MICAL3: variants seen among roughly 807,000 people sequenced by gnomAD.
The protein encoded by MICAL3 is microtubule associated monooxygenase, calponin and LIM domain containing 3, also known as [F-actin]-monooxygenase MICAL3.
Under a neutral mutation model 207.4 loss-of-function variants are expected in MICAL3, and 62 were observed. The observed-to-expected ratio is 0.30, with a 90% CI of 0.24 to 0.37. The LOEUF (loss-of-function observed/expected upper bound fraction) is 0.37, where lower values mean the gene tolerates loss of function less well. MICAL3 is among the 10% of genes least tolerant of loss of function. The pLI, the probability that MICAL3 is intolerant of heterozygous loss-of-function variation, is 1.00. For synonymous variants in MICAL3, 1,077 were observed against 1,069.3 expected, an observed-to-expected ratio of 1.01 and a Z score of -0.14; for missense variants, 2,368 against 2,635.6, an observed-to-expected ratio of 0.90 and a Z score of 2.22.
intron 5 of MICAL3, among the ~76,000 whole-genome samples, chr22:17,901,634 C>A (rs1015675581): frequency 1.3e-5 from 2 of 152,116 alleles, no homozygotes; most frequent in African/African-American, 4.8e-5. Context: ...CATGATACTG[C>A]ACTCCAGCCT....
intron 1 of MICAL3, among the ~76,000 whole-genome samples, chr22:17,994,616 G>A (rs550000236): frequency 6.6e-6 from 1 of 152,188 alleles, no homozygotes; most frequent in Non-Finnish European, 1.5e-5. Flanking sequence ...AGGAGGCTGA[G>A]GTTGGGGGAT....
chr22:17,939,151 C>G (rs1933693994), intron 1 of MICAL3, among the ~76,000 whole-genome samples: 1 of 152,156 alleles, frequency 6.6e-6, no homozygotes, highest in Non-Finnish European at 1.5e-5. Context: ...ACATTCAGCT[C>G]CCTTGCCATG....
Position 17,841,725 on chromosome 22 carries a change from AG to A in MICAL3, c.2801+96del. On this transcript the variant is annotated intron_variant, in intron 20 of 31. Transcript: ENST00000441493. This position sits in a 1 kb window ranked among gnomAD's most constrained non-coding sequence, Gnocchi z 4.2. ...GACTGCGGGCAGCAGGAAAGACAGG[AG>A]GCCTCCCTTCACTGAGAAGAAACCG... 7.9e-7 allele frequency: 1 copy of A among 1,263,864 alleles called. No homozygotes were observed. Among genetic ancestry groups the A allele is most frequent in the Non-Finnish European group, 1.1e-6 (1 of 904,872 alleles). The allele number at this position is 1,263,864 out of a possible 1,614,324, so 78.3% of individuals were successfully genotyped here.
rs538538684 is a variant in MICAL3 at position 17,788,967 on chromosome 22, G to A, written c.*1765C>T. On this transcript the variant is annotated 3_prime_UTR_variant, in exon 32 of 32. Transcript: ENST00000441493. ...GCGGCTGGAGCGCCCCTGGCAGGCG[G>A]GTCTGGTCCGGATGGCTCCTCGCTG... 6.5e-6 allele frequency: 1 copy of A among 152,700 alleles called. No individual in the cohort carries two copies. The highest frequency in any genetic ancestry group is 3.4e-3 in the Middle Eastern group (1 of 298). The allele number at this position is 152,700 out of a possible 1,614,324, so 9.5% of individuals were successfully genotyped here.
At chr22:17,983,086 T>G (rs1462538094) in intron 1 of MICAL3, 1 of 152,208 alleles carries the variant, frequency 6.6e-6, no homozygotes, top group Non-Finnish European at 1.5e-5. Flanking sequence ...TGTCTACTGT[T>G]TTTTCTTTTT....
chr22:17,803,854 C>T (rs988514538), intron 29 of MICAL3: 13 of 985,558 alleles, frequency 1.3e-5, no homozygotes, highest in Non-Finnish European at 1.6e-5. Context: ...AAGACTCTCC[C>T]CAATAGTCTA....
At chr22:17,996,196 T>G (rs999838579) in intron 1 of MICAL3, among the ~76,000 whole-genome samples, 1 of 150,376 alleles carries the variant, frequency 6.6e-6, no homozygotes, top group Admixed American at 6.6e-5. Context: ...TCCCAACACT[T>G]TGGGAGGCCG....
intron 25 of MICAL3, 67 bp downstream of exon 25, chr22:17,821,360 G>T (rs1278608712): frequency 2.2e-5 from 31 of 1,384,908 alleles, no homozygotes; most frequent in Non-Finnish European, 3.0e-5. Context: ...CTGAAACAGA[G>T]AAGTTAATAT....
intron 1 of MICAL3, among the ~76,000 whole-genome samples, chr22:17,963,210 T>G (rs745952440): frequency 4.7e-4 from 71 of 152,104 alleles, no homozygotes; most frequent in Non-Finnish European, 5.6e-4. Context: ...CCTCCCAGGC[T>G]CAAGTGGTCC....
chr22:17,872,614 A>G (rs778337884), intron 16 of MICAL3: 89 of 646,354 alleles, frequency 1.4e-4, no homozygotes, highest in Non-Finnish European at 2.3e-4. Flanking sequence ...TGGTTATCAA[A>G]ACCCAGACAA....
At chr22:17,879,525 A>C (rs1602133499) in intron 16 of MICAL3, 2 of 675,676 alleles carry the variant, frequency 3.0e-6, no homozygotes, top group Admixed American at 3.2e-5. Context: ...TCCCCTACTA[A>C]CCCCATCCCC....
intron 1 of MICAL3, among the ~76,000 whole-genome samples, chr22:17,996,287 A>G (rs962142888): frequency 2.0e-5 from 3 of 151,814 alleles, no homozygotes; most frequent in African/African-American, 7.3e-5. Context: ...AAAAAAAAAT[A>G]CAGAAAATTA....
chr22:17,917,278 G>A (rs1259371544), intron 1 of MICAL3, among the ~76,000 whole-genome samples: 1 of 152,162 alleles, frequency 6.6e-6, no homozygotes, highest in East Asian at 1.9e-4. Context: ...AAGCACTGGA[G>A]GCAACACTCT....
rs45575435 is a variant in MICAL3, at chr22:17,810,656, C to T, written c.5556+47G>A. On this transcript the variant is annotated intron_variant, in intron 28 of 31. Transcript: ENST00000441493. ...AGCTGGGTGGATAGGGAGATGCTGC[C>T]CAACCCTCCCATGCATGTGCCCTGG... 5.2e-3 allele frequency: 7,683 copies of T among 1,479,696 alleles called. 33 individuals carry two copies. The highest frequency in any genetic ancestry group is 0.014 in the Middle Eastern group (77 of 5,628). 91.7% of individuals were successfully genotyped at this position (1,479,696 alleles called of 1,614,324 possible).
At chr22:17,951,964 T>C (rs1934371095) in intron 1 of MICAL3, among the ~76,000 whole-genome samples, 1 of 152,204 alleles carries the variant, frequency 6.6e-6, no homozygotes, top group Admixed American at 6.5e-5. Flanking sequence ...CCCAAAGTGC[T>C]GGGATTACAG....
intron 1 of MICAL3, among the ~76,000 whole-genome samples, chr22:18,014,986 C>CAAAA (rs10689117): frequency 1.4e-5 from 2 of 140,506 alleles, no homozygotes; most frequent in Admixed American, 7.0e-5. Flanking sequence ...GACTCCATCT[C>CAAAA]AAAAAAAAAA....
At chr22:17,798,299 G>A (rs756863594) in intron 29 of MICAL3, among the ~76,000 whole-genome samples, 2 of 152,234 alleles carry the variant, frequency 1.3e-5, no homozygotes, top group Non-Finnish European at 2.9e-5. Flanking sequence ...CTGATATGCT[G>A]TTGTGTGTTT....
chr22:17,971,906 T>C (rs1935429228), intron 1 of MICAL3, among the ~76,000 whole-genome samples: 1 of 152,150 alleles, frequency 6.6e-6, no homozygotes, highest in African/African-American at 2.4e-5. Context: ...ACAATGCACA[T>C]GGCCTTCCAG....
intron 1 of MICAL3, among the ~76,000 whole-genome samples, chr22:17,950,101 G>A (rs1934259024): frequency 6.6e-6 from 1 of 152,052 alleles, no homozygotes; most frequent in Non-Finnish European, 1.5e-5. Context: ...TGTTTCAGAA[G>A]GAGGGAAAAA....
Sources: allele counts gnomAD v4.1 joint callset (sites outside exome capture counted in the v4.1 genomes callset), GRCh38; gene constraint gnomAD v4.1.1; non-coding constraint Gnocchi (gnomAD v3.1); transcripts MANE v1.5; gene names NCBI Gene and HGNC (gene_info 2026-07-23, HGNC 2026-07-21).